C12orf42: variants seen among roughly 807,000 people sequenced by gnomAD.
C12orf42 encodes uncharacterized protein C12orf42.
In C12orf42, 25 loss-of-function variants were observed where a neutral mutation model predicts 21.6. The observed-to-expected ratio is 1.16, with a 90% CI of 0.84 to 1.62. The LOEUF is 1.62. Among genes scored for constraint, C12orf42 ranks in the 40% most tolerant of loss-of-function variants. The pLI, the probability that C12orf42 is intolerant of heterozygous loss-of-function variation, is 0.00. For synonymous variants in C12orf42, 174 were observed against 175.0 expected (o/e 0.99, Z 0.05); for missense variants, 483 against 459.3 (o/e 1.05, Z -0.47).
chr12:103,418,498 C>CT (rs1172975690), intron 2 of C12orf42, among the ~76,000 whole-genome samples: 1 of 151,674 alleles, frequency 6.6e-6, no homozygotes, highest in Admixed American at 6.6e-5. Context: ...TGGAAGCAAA[C>CT]TTTTTTTTAA....
At chr12:103,398,842 G>A (rs564246886) in intron 3 of C12orf42, among the ~76,000 whole-genome samples, 14 of 152,168 alleles carry the variant, frequency 9.2e-5, no homozygotes, top group Middle Eastern at 3.4e-3. Flanking sequence ...CAAATAGCAT[G>A]CTGTTTAAGG....
chr12:103,101,302 AC>A, the C12orf42 span, among the ~76,000 whole-genome samples: 5 of 152,206 alleles, frequency 3.3e-5, no homozygotes, highest in Non-Finnish European at 7.3e-5. Flanking sequence ...TGTTTTCCAA[AC>A]ATTTCATTCT....
At chr12:103,239,375 A>C (rs924532925) in intron 10 of C12orf42, among the ~76,000 whole-genome samples, 2 of 151,986 alleles carry the variant, frequency 1.3e-5, no homozygotes, top group Non-Finnish European at 2.9e-5. Flanking sequence ...TTTTTCTCCC[A>C]TGTCTCACCT....
chr12:103,052,919 T>C, the C12orf42 span, among the ~76,000 whole-genome samples: 3 of 152,046 alleles, frequency 2.0e-5, no homozygotes, highest in African/African-American at 7.2e-5. Context: ...CTTCCCTAAC[T>C]TTATTAAAGT....
At chr12:103,062,627 C>T in the C12orf42 span, among the ~76,000 whole-genome samples, 2 of 148,698 alleles carry the variant, frequency 1.3e-5, no homozygotes, top group Admixed American at 6.6e-5. Context: ...TTTGCACCAA[C>T]CTAATATAAC....
the C12orf42 span, among the ~76,000 whole-genome samples, chr12:103,076,057 T>C: frequency 1.3e-4 from 20 of 152,172 alleles, no homozygotes; most frequent in Admixed American, 3.9e-4. Flanking sequence ...AAGAAATCAA[T>C]ATCACACACC....
chr12:103,292,431 A>T (rs915435719), intron 4 of C12orf42, among the ~76,000 whole-genome samples: 1 of 152,158 alleles, frequency 6.6e-6, no homozygotes, highest in Non-Finnish European at 1.5e-5. Flanking sequence ...AATTAAAAGT[A>T]ACCAAGCAAG....
the C12orf42 span, among the ~76,000 whole-genome samples, chr12:103,183,189 C>T: frequency 1.7e-4 from 26 of 152,380 alleles, no homozygotes; most frequent in Non-Finnish European, 3.7e-4. Context: ...TCAACAGATT[C>T]TCCTGCCTCA....
chr12:103,070,374 G>T, the C12orf42 span, among the ~76,000 whole-genome samples: 18 of 152,116 alleles, frequency 1.2e-4, no homozygotes, highest in Non-Finnish European at 2.1e-4. Flanking sequence ...CACCCACCCT[G>T]CAATATGCCA....
chr12:103,480,797 T>C (rs541646039), intron 1 of C12orf42, among the ~76,000 whole-genome samples: 1 of 151,804 alleles, frequency 6.6e-6, no homozygotes, highest in African/African-American at 2.4e-5. Flanking sequence ...TTATTGAGAA[T>C]TTTATAGTCT....
At chr12:103,333,436 C>T (rs552590058) in intron 4 of C12orf42, among the ~76,000 whole-genome samples, 1 of 152,154 alleles carries the variant, frequency 6.6e-6, no homozygotes, top group Non-Finnish European at 1.5e-5. Flanking sequence ...CTTTAATTCA[C>T]ATAACAAGGA....
At chr12:103,507,239 AT>A in the C12orf42 span, among the ~76,000 whole-genome samples, 5 of 58,672 alleles carry the variant, frequency 8.5e-5, no homozygotes, top group African/African-American at 3.0e-4. Context: ...ATATATATAT[AT>A]TATATATAAT....
chr12:103,123,280 C>A, the C12orf42 span, among the ~76,000 whole-genome samples: 1 of 152,118 alleles, frequency 6.6e-6, no homozygotes, highest in African/African-American at 2.4e-5. Context: ...CAAGCCATTG[C>A]AGGTAGGGAG....
At chr12:103,487,672 G>C (rs191455335) in intron 1 of C12orf42, among the ~76,000 whole-genome samples, 75 of 152,298 alleles carry the variant, frequency 4.9e-4, no homozygotes, top group African/African-American at 1.5e-3. Context: ...AGGGTAGTTA[G>C]CTCTTCTTGT....
chr12:103,501,733 A>T, the C12orf42 span, among the ~76,000 whole-genome samples: 1 of 151,910 alleles, frequency 6.6e-6, no homozygotes, highest in East Asian at 1.9e-4. Flanking sequence ...TGTAGAGCAA[A>T]GGAGACCTTT....
the C12orf42 span, among the ~76,000 whole-genome samples, chr12:103,184,153 A>C: frequency 1.3e-5 from 2 of 152,192 alleles, no homozygotes; most frequent in Admixed American, 1.3e-4. Flanking sequence ...CTGTGTGTTG[A>C]CATCCTCAAC....
At chr12:103,272,104 G>A (rs2035508374) in intron 5 of C12orf42, among the ~76,000 whole-genome samples, 1 of 152,128 alleles carries the variant, frequency 6.6e-6, no homozygotes, top group Non-Finnish European at 1.5e-5. Context: ...TAAGAGGTGA[G>A]AACAAGGAGG....
chr12:103,106,040 C>T, the C12orf42 span, among the ~76,000 whole-genome samples: 2 of 152,116 alleles, frequency 1.3e-5, no homozygotes, highest in African/African-American at 4.8e-5. Flanking sequence ...ACCAAGCACG[C>T]TGAAAACGGT....
intron 2 of C12orf42, among the ~76,000 whole-genome samples, chr12:103,424,982 A>T (rs578210092): frequency 6.6e-6 from 1 of 152,276 alleles, no homozygotes; most frequent in African/African-American, 2.4e-5. Context: ...TTGACCTGGG[A>T]AACTCGAGCT....
Sources: allele counts gnomAD v4.1 joint callset (sites outside exome capture counted in the v4.1 genomes callset), GRCh38; gene constraint gnomAD v4.1.1; transcripts MANE v1.5; gene names NCBI Gene and HGNC (gene_info 2026-07-23, HGNC 2026-07-21).